The following VWF variants were observed in gnomAD, a reference collection of about 807,000 sequenced individuals.
VWF encodes the protein Factor VIII related antigen.
VWF carries 176 observed loss-of-function variants against 308.6 expected under a neutral mutation model. The ratio of observed to expected loss-of-function variants is 0.57; its 90% CI spans 0.50 to 0.65. The LOEUF is 0.65. VWF is among the 30% of genes least tolerant of loss of function. VWF has a pLI of 0.00. For synonymous variants in VWF, 1,385 were observed against 1,443.4 expected (o/e 0.96, Z 0.92); for missense variants, 3,146 against 3,648.2 (o/e 0.86, Z 3.55).
Position 6,121,195 on chromosome 12 carries a change from T to C in VWF, c.199A>G (p.Lys67Glu). 1 of 1,614,204 alleles carries C rather than the reference T, an allele frequency of 6.2e-7. No individual in the cohort carries two copies. Among genetic ancestry groups the C allele is most frequent in the East Asian group, 2.2e-5 (1 of 44,888 alleles). The change falls in exon 3 of 52, where the codon AAA (lysine) becomes GAA (glutamate). Residue 67 changes from lysine to glutamate, a missense_variant. Lys to Glu is a moderately conservative substitution (Grantham distance 56). Coordinates refer to ENST00000261405, the MANE Select transcript of VWF (RefSeq NM_000552.5). The part of the protein sequence containing the change: ...CSYLLAGGCQ[K>E]RSFSIIGDFQ... ...TCACCAATAATCGAGAAGGAGCGTT[T>C]CTGGCAGCCCCCTGCCAGGAGGTAA...
intron 34 of VWF, among the ~76,000 whole-genome samples, chr12:6,001,797 T>A (rs183867088): frequency 6.2e-4 from 95 of 152,284 alleles, no homozygotes; most frequent in African/African-American, 1.7e-3. Flanking sequence ...TACACCCTGA[T>A]AATAGAGAAT....
intron 5 of VWF, chr12:6,096,107 AGATGGATG>A (rs58581042): frequency 0.11 from 17,725 of 155,954 alleles, 1,485 homozygotes; most frequent in African/African-American, 0.24. Flanking sequence ...ATGGATGGAT[AGATGGATG>A]GATGGATGGA....
intron 30 of VWF, 47 bp from the exon 31 acceptor site, chr12:6,016,279 C>T (rs57349683): frequency 6.2e-6 from 10 of 1,613,736 alleles, no homozygotes; most frequent in African/African-American, 5.3e-5. Context: ...GACTGCGGCT[C>T]GACACCCTGT....
chr12:5,971,498 G>T (rs1591836870), intron 44 of VWF, 101 bp downstream of exon 44: 2 of 966,798 alleles, frequency 2.1e-6, no homozygotes, highest in South Asian at 1.3e-5. Flanking sequence ...ATGCCCAGTG[G>T]GGAAAGCAAA....
At position 6,063,284 on chromosome 12, in the gene VWF, C is replaced by G. The variant is rs746421296; in HGVS notation, c.1433-230G>C. 1.3e-4 allele frequency among the ~76,000 whole-genome samples: 20 copies of G among 152,250 alleles called. No homozygotes were observed. Among genetic ancestry groups the G allele is most frequent in the Non-Finnish European group, 2.5e-4 (17 of 68,012 alleles). On this transcript the variant is annotated intron_variant, in intron 12 of 51. Transcript: ENST00000261405. The surrounding 1 kb of genome is among the most constrained non-coding windows in gnomAD (Gnocchi z 4.9). ...CCCAGGAAGAAGCCTCTGCACCCCC[C>G]GCTATGACCTGCCATTCCCCCTACT...
At chr12:5,962,538 CTT>C (rs35124526) in intron 47 of VWF, among the ~76,000 whole-genome samples, 16 of 101,590 alleles carry the variant, frequency 1.6e-4, no homozygotes, top group African/African-American at 4.9e-4. Flanking sequence ...ACAGGCAATT[CTT>C]TTTTTTTTTT....
At chr12:6,103,024 T>C (rs1236052066) in intron 5 of VWF, among the ~76,000 whole-genome samples, 1 of 151,862 alleles carries the variant, frequency 6.6e-6, no homozygotes, top group Admixed American at 6.6e-5. Context: ...ATGGTACTGG[T>C]ATAAAAATAT....
At chr12:6,109,814 C>T (rs1158186091) in intron 5 of VWF, among the ~76,000 whole-genome samples, 2 of 152,138 alleles carry the variant, frequency 1.3e-5, no homozygotes, top group Admixed American at 6.5e-5. Flanking sequence ...CCACGCCTGG[C>T]TAATTTTCTG....
At chr12:5,994,714 A>G (rs1591849011) in intron 35 of VWF, 107 bp from the exon 36 acceptor site, 1 of 943,082 alleles carries the variant, frequency 1.1e-6, no homozygotes. Context: ...CAACTGCAAC[A>G]TCAGCCACAA....
chr12:6,094,557 C>T (rs981963480), intron 6 of VWF, among the ~76,000 whole-genome samples: 3 of 148,204 alleles, frequency 2.0e-5, no homozygotes, highest in Non-Finnish European at 2.9e-5. Flanking sequence ...CAACTGTCTA[C>T]GTCCTCCAAA....
At position 6,049,221 on chromosome 12, in the gene VWF, C is replaced by T. The variant is rs181082187; in HGVS notation, c.2187-2404G>A. On this transcript the variant is annotated intron_variant, in intron 16 of 51. Transcript: ENST00000261405. The stretch of plus-strand genomic sequence containing the variant: ...AAAATAAACAGCGGCACACAGGCCC[C>T]GAGGTCCTTCCAACACACCTTCTCC... Among the ~76,000 whole-genome samples, 49 of 152,290 alleles carry T rather than the reference C, an allele frequency of 3.2e-4. 2 individuals are homozygous for T. In the East Asian group the frequency reaches 6.2e-3, roughly 19 times the overall value.
At chr12:5,966,208 C>T (rs921519855) in intron 47 of VWF, among the ~76,000 whole-genome samples, 2 of 152,044 alleles carry the variant, frequency 1.3e-5, no homozygotes, top group Non-Finnish European at 2.9e-5. Context: ...GGATGCCACA[C>T]GACTCCAGGC....
intron 6 of VWF, among the ~76,000 whole-genome samples, chr12:6,083,484 G>A (rs1311878436): frequency 6.6e-6 from 1 of 152,218 alleles, no homozygotes; most frequent in African/African-American, 2.4e-5. Flanking sequence ...AGGATCACTT[G>A]AGCCTGGGAG....
intron 16 of VWF, among the ~76,000 whole-genome samples, chr12:6,051,660 A>T (rs1265875370): frequency 1.3e-5 from 2 of 152,124 alleles, no homozygotes; most frequent in Non-Finnish European, 2.9e-5. Context: ...CCCGGGCTAG[A>T]ATGCAGTGGC....
chr12:6,002,869 C>T (rs1943887060), intron 34 of VWF, among the ~76,000 whole-genome samples: 1 of 136,784 alleles, frequency 7.3e-6, no homozygotes, highest in Non-Finnish European at 1.6e-5. Context: ...GACAGTATTC[C>T]CCCACCACAA....
At chr12:5,983,915 G>A (rs1205459315) in intron 40 of VWF, among the ~76,000 whole-genome samples, 1 of 151,728 alleles carries the variant, frequency 6.6e-6, no homozygotes, top group African/African-American at 2.4e-5. Context: ...ATGATAAATA[G>A]ATACATAGGT....
chr12:6,075,429 C>G lies in VWF; in HGVS notation c.780G>C (p.Gly260=). The change falls in exon 7 of 52, where the codon GGG becomes GGC. Residue 260 remains glycine, a synonymous_variant. Coordinates refer to ENST00000261405, the MANE Select transcript of VWF (RefSeq NM_000552.5). The surrounding 1 kb of genome is among the most constrained non-coding windows in gnomAD (Gnocchi z 4.7). ...CEKTLCECAG[G]LECACPALLE... The stretch of plus-strand genomic sequence containing the variant: ...GGAGGGCAGGGCAGGCGCACTCCAG[C>G]CCCCCAGCACACTCACACAAAGTCT... The G allele has an allele frequency of 1.2e-6, 2 of 1,614,138 alleles. No individual in the cohort carries two copies. Among genetic ancestry groups the G allele is most frequent in the Non-Finnish European group, 1.7e-6 (2 of 1,180,014 alleles).
At position 6,036,378 on chromosome 12, in the gene VWF, T is replaced by A; in HGVS notation, c.2546+10A>T. ...CTGGGTCCCCGGCGCAGCCCCTCAC[T>A]GAGCCTCACCAAGTGTTGCAGCCAA... On this transcript the variant is annotated intron_variant, in intron 19 of 51. Coordinates refer to ENST00000261405, the MANE Select transcript of VWF (RefSeq NM_000552.5). 6 of 1,613,846 alleles carry A rather than the reference T, an allele frequency of 3.7e-6. No individual in the cohort carries two copies. Among genetic ancestry groups the A allele is most frequent in the Non-Finnish European group, 5.1e-6 (6 of 1,179,738 alleles).
At chr12:6,000,811 CAAAAAAAAA>C (rs71064181) in intron 34 of VWF, among the ~76,000 whole-genome samples, 2 of 69,804 alleles carry the variant, frequency 2.9e-5, no homozygotes, top group African/African-American at 1.1e-4. Flanking sequence ...GACTCTGTCT[CAAAAAAAAA>C]AAAAAAAAAA....
Sources: gnomAD v4.1 joint callset for allele counts (sites outside exome capture counted in the v4.1 genomes callset) on GRCh38, gnomAD v4.1.1 for gene constraint, Gnocchi (gnomAD v3.1) non-coding constraint, MANE v1.5 for transcripts, NCBI Gene and HGNC (gene_info 2026-07-23, HGNC 2026-07-21) for gene names.